The following ASIC2 variants were observed in gnomAD, a reference collection of about 807,000 sequenced individuals.
ASIC2 encodes the protein acid sensing ion channel subunit 2, also known as acid-sensing ion channel 2.
ASIC2 carries 25 observed loss-of-function variants against 57.3 expected under a neutral mutation model. The observed-to-expected ratio is 0.44, with a 90% CI of 0.32 to 0.61. ASIC2 has a LOEUF of 0.61. Among genes scored for constraint, ASIC2 ranks in the 20% least tolerant of loss-of-function variants. The pLI is 0.06. For synonymous variants in ASIC2, 319 were observed against 307.5 expected (o/e 1.04, Z -0.39); for missense variants, 641 against 738.1 (o/e 0.87, Z 1.52).
rs80136845 is a variant in ASIC2, at chr17:34,023,279, G to C, written c.555+132699C>G. Among the ~76,000 whole-genome samples the C allele has an allele frequency of 5.4e-4, 81 of 151,022 alleles. 3 individuals carry two copies. In the East Asian group the frequency reaches 0.014, roughly 27 times the overall value. On this transcript the variant is annotated intron_variant, in intron 1 of 9. Coordinates refer to the ASIC2 transcript ENST00000359872. ...TCTTCCTTTCCTTCTGCTTCTATTT[G>C]TCTCTTTCCTAAGTAATTCTTGGCT... is the stretch of plus-strand genomic sequence containing the variant.
intron 1 of ASIC2, among the ~76,000 whole-genome samples, chr17:33,885,821 C>G (rs529454650): frequency 2.0e-3 from 312 of 152,312 alleles, no homozygotes; most frequent in Non-Finnish European, 2.8e-3. Context: ...GGAAGCATCT[C>G]AATTATAGAC....
At chr17:34,104,726 A>G (rs943098428) in intron 1 of ASIC2, among the ~76,000 whole-genome samples, 28 of 152,204 alleles carry the variant, frequency 1.8e-4, no homozygotes, top group African/African-American at 6.5e-4. Context: ...ATGATCATAT[A>G]TGTTTTTAAC....
At chr17:33,260,889 G>A (rs880305) in intron 1 of ASIC2, among the ~76,000 whole-genome samples, 26,426 of 152,188 alleles carry the variant, frequency 0.17, 2,458 homozygotes, top group Admixed American at 0.23. Context: ...CTGCTGCCAC[G>A]TAGCATGATT....
At chr17:33,839,756 A>G (rs1913377517) in intron 1 of ASIC2, among the ~76,000 whole-genome samples, 1 of 152,148 alleles carries the variant, frequency 6.6e-6, no homozygotes, top group Non-Finnish European at 1.5e-5. Context: ...TTTGTTTACC[A>G]TTCCTGTCAT....
intron 1 of ASIC2, among the ~76,000 whole-genome samples, chr17:33,318,159 C>G (rs951540712): frequency 6.6e-6 from 1 of 152,160 alleles, no homozygotes; most frequent in Non-Finnish European, 1.5e-5. Flanking sequence ...CTTCCCCTTA[C>G]TGCTTTCCTC....
chr17:33,515,728 T>A (rs192572520), intron 1 of ASIC2, among the ~76,000 whole-genome samples: 1 of 152,354 alleles, frequency 6.6e-6, no homozygotes, highest in East Asian at 1.9e-4. Flanking sequence ...GGACCAATCC[T>A]GAGGCTTCAA....
At chr17:33,165,914 T>A (rs906776037) in intron 1 of ASIC2, among the ~76,000 whole-genome samples, 1 of 152,132 alleles carries the variant, frequency 6.6e-6, no homozygotes, top group Non-Finnish European at 1.5e-5. Flanking sequence ...TGGAGACCAA[T>A]TGACATATTC....
chr17:33,226,962 AC>A (rs1451437309), intron 1 of ASIC2, among the ~76,000 whole-genome samples: 1 of 152,248 alleles, frequency 6.6e-6, no homozygotes, highest in African/African-American at 2.4e-5. Context: ...TACAAAAATT[AC>A]TGAGATTTAT....
chr17:34,050,816 ACAAAAGGAG>A, intron 1 of ASIC2, among the ~76,000 whole-genome samples: 2 of 152,308 alleles, frequency 1.3e-5, no homozygotes, highest in Non-Finnish European at 2.9e-5. Flanking sequence ...TCAGAGGAAG[ACAAAAGGAG>A]CACTTTGGAA....
At chr17:33,812,401 G>T (rs879818800) in intron 1 of ASIC2, among the ~76,000 whole-genome samples, 1 of 152,170 alleles carries the variant, frequency 6.6e-6, no homozygotes, top group Non-Finnish European at 1.5e-5. Flanking sequence ...TTTTTCCCCT[G>T]CCTGTCCATG....
At chr17:33,839,472 T>G (rs2141906891) in intron 1 of ASIC2, among the ~76,000 whole-genome samples, 1 of 152,328 alleles carries the variant, frequency 6.6e-6, no homozygotes, top group South Asian at 2.1e-4. Context: ...ATTTATTTAT[T>G]GTCTCCCAGC....
intron 1 of ASIC2, among the ~76,000 whole-genome samples, chr17:33,489,985 T>C (rs1367869249): frequency 2.0e-5 from 3 of 152,238 alleles, no homozygotes; most frequent in Non-Finnish European, 2.9e-5. Context: ...AAACATTTCT[T>C]TCTGGACTAT....
chr17:34,026,664 G>A (rs1300686121), intron 1 of ASIC2, among the ~76,000 whole-genome samples: 2 of 152,104 alleles, frequency 1.3e-5, no homozygotes, highest in African/African-American at 4.8e-5. Context: ...GGCTCTTGCA[G>A]CCTCCAGCCA....
intron 2 of ASIC2, among the ~76,000 whole-genome samples, chr17:33,110,944 C>A (rs574780110): frequency 6.6e-6 from 1 of 152,320 alleles, no homozygotes; most frequent in Admixed American, 6.5e-5. Flanking sequence ...TCCTGTTATG[C>A]CCTGAACGCA....
intron 1 of ASIC2, among the ~76,000 whole-genome samples, chr17:33,852,011 A>G (rs994180397): frequency 1.3e-5 from 2 of 152,222 alleles, no homozygotes; most frequent in African/African-American, 4.8e-5. Context: ...GAAAGGGACC[A>G]TTCCGTTCAG....
At chr17:33,072,771 G>T (rs1049530168) in intron 3 of ASIC2, among the ~76,000 whole-genome samples, 1 of 152,170 alleles carries the variant, frequency 6.6e-6, no homozygotes, top group Admixed American at 6.5e-5. Context: ...GGATGGATTT[G>T]CTGCTTCCTC....
intron 2 of ASIC2, among the ~76,000 whole-genome samples, chr17:33,099,434 G>A (rs1451554080): frequency 6.6e-6 from 1 of 152,134 alleles, no homozygotes; most frequent in Non-Finnish European, 1.5e-5. Context: ...TACACTGTGG[G>A]GTGATGCGTC....
At chr17:34,045,878 A>G (rs1251509194) in intron 1 of ASIC2, among the ~76,000 whole-genome samples, 2 of 152,196 alleles carry the variant, frequency 1.3e-5, no homozygotes, top group South Asian at 2.1e-4. Context: ...TTCCCTCAAA[A>G]CTAGGCTGCC....
intron 1 of ASIC2, among the ~76,000 whole-genome samples, chr17:33,714,131 C>T (rs1451745721): frequency 2.6e-5 from 4 of 152,118 alleles, no homozygotes; most frequent in African/African-American, 9.7e-5. Context: ...GACTGCTTCA[C>T]CCCACTCCCC....
Sources: gnomAD v4.1 joint callset for allele counts (sites outside exome capture counted in the v4.1 genomes callset) on GRCh38, gnomAD v4.1.1 for gene constraint, MANE v1.5 for transcripts, NCBI Gene and HGNC (gene_info 2026-07-23, HGNC 2026-07-21) for gene names.